MROH2B: variants seen among roughly 807,000 people sequenced by gnomAD.
The protein encoded by MROH2B is maestro heat like repeat family member 2B, also known as maestro heat-like repeat-containing protein family member 2B.
MROH2B carries 177 observed loss-of-function variants against 208.6 expected under a neutral mutation model. That is an observed-to-expected ratio of 0.85 (90% confidence interval 0.75 to 0.96). The LOEUF is 0.96. Ranked by LOEUF, MROH2B falls within the 40% of genes least tolerant of loss-of-function variation. The pLI is 0.00. For synonymous variants in MROH2B, 728 were observed against 659.0 expected (o/e 1.10, Z -1.60); for missense variants, 2,002 against 1,878.7 (o/e 1.07, Z -1.21).
rs748414645 is a variant in MROH2B, at chr5:41,032,832, A to G, written c.2362-11T>C. On this transcript the variant is annotated splice_polypyrimidine_tract_variant and intron_variant, in intron 23 of 41. Coordinates refer to ENST00000399564, the MANE Select transcript of MROH2B (RefSeq NM_173489.5). ...GTCTCTAATGAAGTCCTGAAACATA[A>G]ATAAGGAGATTAAATGTTTCAGAAA... 6 of 1,608,118 alleles carry G rather than the reference A, an allele frequency of 3.7e-6. No individual in the cohort carries two copies. Among genetic ancestry groups the G allele is most frequent in the Non-Finnish European group, 4.2e-6 (5 of 1,176,950 alleles).
chr5:41,034,924 A>C (rs1742705154), intron 21 of MROH2B, among the ~76,000 whole-genome samples: 1 of 152,120 alleles, frequency 6.6e-6, no homozygotes, highest in Non-Finnish European at 1.5e-5. Flanking sequence ...AGAACTACAA[A>C]ACACTGCTGA....
chr5:41,016,205 A>G (rs1269016632), intron 28 of MROH2B, among the ~76,000 whole-genome samples: 2 of 133,924 alleles, frequency 1.5e-5, no homozygotes, highest in South Asian at 5.2e-4. Flanking sequence ...AGAAGTGTCC[A>G]TGAGTATCGA....
chr5:41,015,568 A>T (rs1439328129), intron 28 of MROH2B, 90 bp from the exon 29 acceptor site: 2 of 1,123,456 alleles, frequency 1.8e-6, no homozygotes, highest in African/African-American at 1.5e-5. Flanking sequence ...ACACTAAATT[A>T]GCTGCTGTCT....
rs1234997070 is a variant in MROH2B, at chr5:41,044,088, A to C, written c.1836+1658T>G. Among the ~76,000 whole-genome samples the C allele has an allele frequency of 4.2e-4, 64 of 151,462 alleles. 1 individual carries two copies. The highest frequency in any genetic ancestry group is 1.5e-3 in the African/African-American group (63 of 41,256). On this transcript the variant is annotated intron_variant, in intron 18 of 41. Transcript: ENST00000399564. Reference sequence around the variant, plus strand: ...CCCCGTCTCTACTAAAAATACAAAAAAAAAAAAAAAAATTAGCCGGGTGTG... The same window carrying C: ...CCCCGTCTCTACTAAAAATACAAAACAAAAAAAAAAAATTAGCCGGGTGTG...
At position 41,057,123 on chromosome 5, in the gene MROH2B, C is replaced by T. The variant is rs1368700238; in HGVS notation, c.905G>A (p.Cys302Tyr). 2 of 1,613,898 alleles carry T rather than the reference C, an allele frequency of 1.2e-6. No individual in the cohort carries two copies. The highest frequency in any genetic ancestry group is 1.7e-6 in the Non-Finnish European group (2 of 1,179,880). Residue 302 changes from cysteine (C) to tyrosine (Y), a missense_variant, in exon 9 of 42, where the codon TGT (cysteine) becomes TAT (tyrosine). Physicochemically the swap from Cys to Tyr is radical, Grantham distance 194. Coordinates refer to ENST00000399564, the MANE Select transcript of MROH2B (RefSeq NM_173489.5). Reference sequence around the variant, plus strand: ...GCTGGTCCTACCTAGAATGAGAAAACAGCTTGAAGCTTTCATTTCATTTTC... The same window carrying T: ...GCTGGTCCTACCTAGAATGAGAAAATAGCTTGAAGCTTTCATTTCATTTTC... ...VKENEMKASS[C>Y]FLILAHSNPG...
intron 29 of MROH2B, 110 bp from the exon 30 acceptor site, chr5:41,012,845 T>C (rs1741817441): frequency 2.2e-6 from 3 of 1,367,948 alleles, no homozygotes; most frequent in East Asian, 2.3e-5. Context: ...ACTGAACTTT[T>C]CAACAGTTTT....
Position 41,010,011 on chromosome 5 carries a change from C to G in MROH2B, c.3204G>C (p.Gln1068His). Reference protein sequence around the residue: ...PVLRQKEESFQFILEAISQIA... With the variant: ...PVLRQKEESFHFILEAISQIA... ...TCTGGGAGATGGCTTCTAGAATGAA[C>G]TGAAAACTTTCTTCTTTTTGTCTGA... Residue 1068 changes from glutamine (Q) to histidine (H), a missense_variant, in exon 31 of 42, where the codon CAG becomes CAC. Coordinates refer to ENST00000399564, the MANE Select transcript of MROH2B (RefSeq NM_173489.5). 5 of 1,613,788 alleles carry G rather than the reference C, an allele frequency of 3.1e-6. No homozygotes were observed. The highest frequency in any genetic ancestry group is 3.4e-6 in the Non-Finnish European group (4 of 1,179,796).
intron 24 of MROH2B, among the ~76,000 whole-genome samples, chr5:41,030,224 C>G (rs1158348549): frequency 6.6e-6 from 1 of 151,930 alleles, no homozygotes; most frequent in African/African-American, 2.4e-5. Context: ...TTTGACATCA[C>G]TAATCATTAG....
At chr5:41,024,879 A>T (rs892420777) in intron 24 of MROH2B, among the ~76,000 whole-genome samples, 1 of 152,184 alleles carries the variant, frequency 6.6e-6, no homozygotes, top group African/African-American at 2.4e-5. Flanking sequence ...GGATTAAGAA[A>T]CTCACTCAAA....
In MROH2B at chr5:41,070,990, C is replaced by A; in HGVS notation, c.-138G>T. 1 of 770,206 alleles carries A rather than the reference C, an allele frequency of 1.3e-6. No homozygotes were observed. Among genetic ancestry groups the A allele is most frequent in the Non-Finnish European group, 2.2e-6 (1 of 461,588 alleles). The allele number at this position is 770,206 out of a possible 1,614,324, so 47.7% of individuals were successfully genotyped here. ...TCTCTAAATGAAAGTGCCTCCTCCA[C>A]TTGATTGGCACAATGGTCTGGGAGC... On this transcript the variant is annotated 5_prime_UTR_variant, in exon 1 of 42. Coordinates refer to ENST00000399564, the MANE Select transcript of MROH2B (RefSeq NM_173489.5).
In MROH2B at chr5:41,005,591, G is replaced by T. The variant is rs1465269972; in HGVS notation, c.3804C>A (p.Leu1268=). 1 of 1,612,052 alleles carries T rather than the reference G, an allele frequency of 6.2e-7. No individual in the cohort carries two copies. The highest frequency in any genetic ancestry group is 8.5e-7 in the Non-Finnish European group (1 of 1,179,164). Residue 1268 remains leucine (L), a synonymous_variant, in exon 35 of 42, where the codon CTC becomes CTA. Transcript: ENST00000399564. Reference sequence around the variant, plus strand: ...TCTCCGAGGAGGAGGTAAGAGATGAGAGCAGCTGTTCCATGATGTCCAGTA... The same window carrying T: ...TCTCCGAGGAGGAGGTAAGAGATGATAGCAGCTGTTCCATGATGTCCAGTA... ...GVILDIMEQL[L]SSLTSSSENY...
rs1742027421 is a variant in MROH2B, at chr5:41,018,396, C to T, written c.2708G>A (p.Trp903Ter). The T allele has an allele frequency of 6.2e-7, 1 of 1,613,058 alleles. No individual in the cohort carries two copies. Among genetic ancestry groups the T allele is most frequent in the Admixed American group, 1.7e-5 (1 of 59,806 alleles). Residue 903 changes from tryptophan (W) to a stop codon, truncating the protein, a stop_gained, in exon 27 of 42, where the codon TGG becomes TAG. Transcript: ENST00000399564. LOFTEE classifies it high-confidence loss of function. ...LQMWLVSQKE[W>*]ERERAFQITA... is the part of the protein sequence containing the mutation. ...GATCTGGAAGGCTCTTTCTCTTTCC[C>T]ACTCTTTTTGTGAAACAAGCCACAT...
intron 35 of MROH2B, chr5:41,005,209 C>T (rs1199558327): frequency 1.9e-6 from 1 of 525,534 alleles, no homozygotes; most frequent in African/African-American, 1.9e-5. Context: ...TTTTCCTTCT[C>T]TGGATTGGCT....
intron 29 of MROH2B, among the ~76,000 whole-genome samples, chr5:41,013,991 C>T (rs962442213): frequency 1.3e-5 from 2 of 152,190 alleles, no homozygotes; most frequent in African/African-American, 4.8e-5. Flanking sequence ...CTCCACATAG[C>T]TGCCAGAGTG....
intron 24 of MROH2B, among the ~76,000 whole-genome samples, chr5:41,025,738 G>C (rs892068624): frequency 6.6e-6 from 1 of 152,066 alleles, no homozygotes; most frequent in African/African-American, 2.4e-5. Flanking sequence ...ACAAAAAAAA[G>C]AGAATTTTAG....
intron 2 of MROH2B, 150 bp downstream of exon 2, chr5:41,069,541 G>A: frequency 1.6e-6 from 1 of 634,834 alleles, no homozygotes; most frequent in Non-Finnish European, 2.8e-6. Context: ...ACATTACAAT[G>A]ACTTTCATTA....
intron 4 of MROH2B, among the ~76,000 whole-genome samples, chr5:41,065,008 A>T (rs188923251): frequency 2.2e-4 from 34 of 152,348 alleles, no homozygotes; most frequent in African/African-American, 8.2e-4. Context: ...TGTGGAAATA[A>T]ATGGTAGGGA....
intron 2 of MROH2B, among the ~76,000 whole-genome samples, chr5:41,068,050 C>G (rs1743865550): frequency 6.6e-6 from 1 of 152,140 alleles, no homozygotes; most frequent in Admixed American, 6.5e-5. Flanking sequence ...TGTGGCTTGA[C>G]TAGATGCCCT....
chr5:41,056,463 G>A (rs986728926), intron 9 of MROH2B, among the ~76,000 whole-genome samples: 2 of 152,104 alleles, frequency 1.3e-5, no homozygotes, highest in South Asian at 4.2e-4. Flanking sequence ...CAAGGAGGTA[G>A]AAGTGATGTA....
Sources: allele counts gnomAD v4.1 joint callset (sites outside exome capture counted in the v4.1 genomes callset), GRCh38; gene constraint gnomAD v4.1.1; transcripts MANE v1.5; gene names NCBI Gene and HGNC (gene_info 2026-07-23, HGNC 2026-07-21).